TOP1: variants seen among roughly 807,000 people sequenced by gnomAD.
The protein encoded by TOP1 is DNA topoisomerase I, also known as DNA topoisomerase 1.
In TOP1, 10 loss-of-function variants were observed where a neutral mutation model predicts 111.1. The ratio of observed to expected loss-of-function variants is 0.09; its 90% CI spans 0.06 to 0.15. The LOEUF (loss-of-function observed/expected upper bound fraction) is 0.15, where lower values mean the gene tolerates loss of function less well. Ranked by LOEUF, TOP1 falls within the 10% of genes least tolerant of loss-of-function variation. TOP1 has a pLI of 1.00. For missense variants in TOP1, 474 were observed against 926.7 expected, an observed-to-expected ratio of 0.51 and a Z score of 6.34; for synonymous variants, 271 against 302.9, an observed-to-expected ratio of 0.89 and a Z score of 1.10.
At position 41,029,641 on chromosome 20, in the gene TOP1, C is replaced by T. The variant is rs1005588688; in HGVS notation, c.58+186C>T. ...CCCTTTCCGGGGACCCCAGCTCCTC[C>T]AGATCCCGGCCCTCCCAAGAGGGGA... On this transcript the variant is annotated intron_variant, in intron 2 of 20. Transcript: ENST00000361337. This position sits in a 1 kb window ranked among gnomAD's most constrained non-coding sequence, Gnocchi z 6.1. 5 of 672,752 alleles carry T rather than the reference C, an allele frequency of 7.4e-6. No homozygotes were observed. In the African/African-American group the frequency reaches 9.1e-5, roughly 12 times the overall value. The allele number at this position is 672,752 out of a possible 1,614,324, so 41.7% of individuals were successfully genotyped here.
At chr20:41,053,036 A>T (rs566067070) in intron 2 of TOP1, among the ~76,000 whole-genome samples, 27 of 152,284 alleles carry the variant, frequency 1.8e-4, no homozygotes, top group Admixed American at 1.2e-3. Flanking sequence ...GACTTTAGGG[A>T]GATAAACATA....
chr20:41,106,505 A>G lies in TOP1; in HGVS notation c.1308+5152A>G, dbSNP rs2034147714. 1.3e-5 allele frequency among the ~76,000 whole-genome samples: 2 copies of G among 152,208 alleles called. No individual in the cohort carries two copies. The highest frequency in any genetic ancestry group is 2.4e-5 in the African/African-American group (1 of 41,454). On this transcript the variant is annotated intron_variant, in intron 13 of 20. Coordinates refer to ENST00000361337, the MANE Select transcript of TOP1 (RefSeq NM_003286.4). This position sits in a 1 kb window ranked among gnomAD's most constrained non-coding sequence, Gnocchi z 4.3. ...AACGGAGAAAGATATTGACAATACA[A>G]TTGAGTTTCCAATTCACGAACATGT...
chr20:41,077,664 C>T lies in TOP1; in HGVS notation c.335+27C>T. ...TAAGACTTTGCTGCTGCGTGGGCTT[C>T]CCTTTCTCTGGGTGGACAGCAGGCC... is the stretch of plus-strand genomic sequence containing the variant. On this transcript the variant is annotated intron_variant, in intron 5 of 20. Transcript: ENST00000361337. 8.7e-6 allele frequency: 14 copies of T among 1,609,856 alleles called. 1 individual carries two copies. Among genetic ancestry groups the T allele is most frequent in the Non-Finnish European group, 1.2e-5 (14 of 1,176,164 alleles).
chr20:41,113,715 CAAAAAAA>C (rs987087793), intron 14 of TOP1, among the ~76,000 whole-genome samples: 6 of 103,654 alleles, frequency 5.8e-5, no homozygotes, highest in African/African-American at 9.3e-5. Context: ...ACTAAAAATA[CAAAAAAA>C]AAAAAAAAAA....
chr20:41,115,082 G>A lies in TOP1; in HGVS notation c.1639-289G>A, dbSNP rs1600602189. ...AATGTACTTTAGGACCATATTATAA[G>A]TAAGTACTTATAAATGTACTTTAGG... On this transcript the variant is annotated intron_variant, in intron 15 of 20. Transcript: ENST00000361337. The surrounding 1 kb of genome is among the most constrained non-coding windows in gnomAD (Gnocchi z 6.3). Among the ~76,000 whole-genome samples the A allele has an allele frequency of 6.6e-6, 1 of 152,094 alleles. No individual in the cohort carries two copies. Among genetic ancestry groups the A allele is most frequent in the Non-Finnish European group, 1.5e-5 (1 of 68,030 alleles).
At position 41,112,421 on chromosome 20, in the gene TOP1, A is replaced by G. The variant is rs1264482392; in HGVS notation, c.1309-361A>G. On this transcript the variant is annotated intron_variant, in intron 13 of 20. Coordinates refer to ENST00000361337, the MANE Select transcript of TOP1 (RefSeq NM_003286.4). This position sits in a 1 kb window ranked among gnomAD's most constrained non-coding sequence, Gnocchi z 5.8. ...ACATTTTAGAGAATTAGAGCTAGAA[A>G]CTTTCTTCTGGGAAAGCCTTAGAAG... is the stretch of plus-strand genomic sequence containing the variant. 6.6e-6 allele frequency among the ~76,000 whole-genome samples: 1 copy of G among 152,192 alleles called. No individual in the cohort carries two copies. Among genetic ancestry groups the G allele is most frequent in the African/African-American group, 2.4e-5 (1 of 41,436 alleles).
chr20:41,110,998 G>C lies in TOP1; in HGVS notation c.1309-1784G>C, dbSNP rs1185186577. On this transcript the variant is annotated intron_variant, in intron 13 of 20. Transcript: ENST00000361337. This position sits in a 1 kb window ranked among gnomAD's most constrained non-coding sequence, Gnocchi z 4.2. ...AAGCCCAGCCAGCCTGTGAAGAAAA[G>C]TTGGTCTGGTAGTATCCTGTGAATG... Among the ~76,000 whole-genome samples, 1 of 152,202 alleles carries C rather than the reference G, an allele frequency of 6.6e-6. No homozygotes were observed. The highest frequency in any genetic ancestry group is 1.5e-5 in the Non-Finnish European group (1 of 68,034).
Position 41,122,584 on chromosome 20 carries a change from C to G in TOP1, c.2195+429C>G, listed in dbSNP as rs1023097721. 6.6e-6 allele frequency among the ~76,000 whole-genome samples: 1 copy of G among 152,178 alleles called. No individual in the cohort carries two copies. The highest frequency in any genetic ancestry group is 2.4e-5 in the African/African-American group (1 of 41,452). ...AGAATACAGATCTGAGCAACTTACA[C>G]AGAGAGGCAGAGGGACCTTTAACAA... On this transcript the variant is annotated intron_variant, in intron 20 of 20. Coordinates refer to ENST00000361337, the MANE Select transcript of TOP1 (RefSeq NM_003286.4). This position sits in a 1 kb window ranked among gnomAD's most constrained non-coding sequence, Gnocchi z 5.4.
Position 41,109,793 on chromosome 20 carries a change from C to T in TOP1, c.1309-2989C>T, listed in dbSNP as rs541854990. On this transcript the variant is annotated intron_variant, in intron 13 of 20. Transcript: ENST00000361337. The surrounding 1 kb of genome is among the most constrained non-coding windows in gnomAD (Gnocchi z 4.1). ...CGAATTCCAGTTCTAGGTATTTTTACCTCAAGTGAAATAAAAACATTTATC... is the reference window on the plus strand; with the variant it reads ...CGAATTCCAGTTCTAGGTATTTTTATCTCAAGTGAAATAAAAACATTTATC... Among the ~76,000 whole-genome samples, 3 of 152,116 alleles carry T rather than the reference C, an allele frequency of 2.0e-5. No homozygotes were observed. Among genetic ancestry groups the T allele is most frequent in the African/African-American group, 7.2e-5 (3 of 41,422 alleles).
chr20:41,049,459 A>G (rs188395286), intron 2 of TOP1, among the ~76,000 whole-genome samples: 18 of 152,236 alleles, frequency 1.2e-4, no homozygotes, highest in African/African-American at 4.3e-4. Context: ...ACTTTCATTT[A>G]ATTCAGTTTG....
At chr20:41,057,375 C>CT (rs1475377369) in intron 2 of TOP1, among the ~76,000 whole-genome samples, 6 of 151,632 alleles carry the variant, frequency 4.0e-5, no homozygotes, top group Admixed American at 3.9e-4. Flanking sequence ...GAGTGAGACT[C>CT]TGTCTCCAAA....
rs1299757279 is a variant in TOP1 at position 41,071,933 on chromosome 20, G to A, written c.156-4238G>A. Among the ~76,000 whole-genome samples, 1 of 152,158 alleles carries A rather than the reference G, an allele frequency of 6.6e-6. No homozygotes were observed. Among genetic ancestry groups the A allele is most frequent in the Non-Finnish European group, 1.5e-5 (1 of 68,026 alleles). On this transcript the variant is annotated intron_variant, in intron 3 of 20. Coordinates refer to ENST00000361337, the MANE Select transcript of TOP1 (RefSeq NM_003286.4). The surrounding 1 kb of genome is among the most constrained non-coding windows in gnomAD (Gnocchi z 4.3). The stretch of plus-strand genomic sequence containing the variant: ...AGTGTGACCATTGCAGAAGTTCTAG[G>A]ACTGCTACTGTCTGTATTTTTGTCC...
At chr20:41,086,262 CAAA>C (rs561307231) in intron 8 of TOP1, among the ~76,000 whole-genome samples, 8 of 93,520 alleles carry the variant, frequency 8.6e-5, no homozygotes, top group Admixed American at 1.3e-4. Context: ...GACTCTGTCT[CAAA>C]AAAAAAAAAA....
At chr20:41,060,722 T>C (rs928016092) in intron 2 of TOP1, among the ~76,000 whole-genome samples, 4 of 152,340 alleles carry the variant, frequency 2.6e-5, no homozygotes, top group South Asian at 2.1e-4. Flanking sequence ...TTTTTGTATA[T>C]AAAATGGCAC....
chr20:41,060,408 TA>T (rs1311335241), intron 2 of TOP1, among the ~76,000 whole-genome samples: 5 of 152,298 alleles, frequency 3.3e-5, no homozygotes, highest in Non-Finnish European at 7.4e-5. Flanking sequence ...ACAAAAAGAA[TA>T]AATCCTATAT....
At chr20:41,035,309 C>T (rs2033171422) in intron 2 of TOP1, among the ~76,000 whole-genome samples, 1 of 152,240 alleles carries the variant, frequency 6.6e-6, no homozygotes. Context: ...CATCTCCCTT[C>T]TACCCTTCCC....
At chr20:41,059,459 AG>A (rs1263716180) in intron 2 of TOP1, among the ~76,000 whole-genome samples, 3 of 150,608 alleles carry the variant, frequency 2.0e-5, no homozygotes, top group African/African-American at 4.9e-5. Context: ...TAAATAAATA[AG>A]GTGGTGGTGG....
chr20:41,116,938 A>T lies in TOP1; in HGVS notation c.1822+546A>T, dbSNP rs1048627176. ...ATACATCAGATGGCCTTAGAATATG[A>T]ACCAGAAAAGCCAGAGGTAGGTATG... On this transcript the variant is annotated intron_variant, in intron 17 of 20. Coordinates refer to ENST00000361337, the MANE Select transcript of TOP1 (RefSeq NM_003286.4). This position sits in a 1 kb window ranked among gnomAD's most constrained non-coding sequence, Gnocchi z 5.6. 6.6e-5 allele frequency among the ~76,000 whole-genome samples: 10 copies of T among 152,188 alleles called. No homozygotes were observed. Among genetic ancestry groups the T allele is most frequent in the African/African-American group, 2.2e-4 (9 of 41,434 alleles).
chr20:41,039,208 C>T lies in TOP1; in HGVS notation c.58+9753C>T, dbSNP rs2033228435. 2.0e-5 allele frequency among the ~76,000 whole-genome samples: 3 copies of T among 152,304 alleles called. No individual in the cohort carries two copies. In the South Asian group the frequency reaches 6.2e-4, roughly 32 times the overall value. ...GAACAAGACAAACCCACATGCCTAT[C>T]AGGATGAACTTTGAAATTAGTACGT... On this transcript the variant is annotated intron_variant, in intron 2 of 20. Transcript: ENST00000361337.
Sources: allele counts gnomAD v4.1 joint callset (sites outside exome capture counted in the v4.1 genomes callset), GRCh38; gene constraint gnomAD v4.1.1; non-coding constraint Gnocchi (gnomAD v3.1); transcripts MANE v1.5; gene names NCBI Gene and HGNC (gene_info 2026-07-23, HGNC 2026-07-21).